TGFBR3: variants seen among roughly 807,000 people sequenced by gnomAD.
TGFBR3 encodes the protein transforming growth factor beta receptor 3.
In TGFBR3, 46 loss-of-function variants were observed where a neutral mutation model predicts 87.9. That is an observed-to-expected ratio of 0.52 (90% CI 0.41 to 0.67). TGFBR3 has a LOEUF of 0.67. Among genes scored for constraint, TGFBR3 ranks in the 30% least tolerant of loss-of-function variants. The pLI is 0.00. For synonymous variants in TGFBR3, 381 were observed against 391.6 expected (o/e 0.97, Z 0.32); for missense variants, 866 against 1,041.9 (o/e 0.83, Z 2.32).
intron 2 of TGFBR3, among the ~76,000 whole-genome samples, chr1:91,809,426 T>C (rs954753814): frequency 2.0e-5 from 3 of 152,000 alleles, no homozygotes; most frequent in African/African-American, 7.2e-5. Flanking sequence ...CAGAGACAAG[T>C]GGCAAGATGA....
chr1:91,818,278 CTTTTTTTTTTTTTTTTTTTT>C (rs760050197), intron 2 of TGFBR3, among the ~76,000 whole-genome samples: 4 of 32,496 alleles, frequency 1.2e-4, no homozygotes, highest in African/African-American at 4.0e-4. Flanking sequence ...TAGCCCCAGC[CTTTTTTTTTTTTTTTTTTTT>C]TTTTTTTTTT....
intron 8 of TGFBR3, among the ~76,000 whole-genome samples, chr1:91,720,725 T>A (rs1672340466): frequency 6.6e-6 from 1 of 152,244 alleles, no homozygotes; most frequent in South Asian, 2.1e-4. Context: ...AAATCTGTGA[T>A]TTAAGTTACA....
chr1:91,736,123 G>A (rs559283824), intron 4 of TGFBR3, among the ~76,000 whole-genome samples: 2 of 151,452 alleles, frequency 1.3e-5, no homozygotes, highest in African/African-American at 4.8e-5. Context: ...TAAAAACGCT[G>A]GCAAAAAAAA....
intron 16 of TGFBR3, among the ~76,000 whole-genome samples, chr1:91,692,016 A>C (rs374901014): frequency 6.6e-6 from 1 of 152,104 alleles, no homozygotes; most frequent in East Asian, 1.9e-4. Flanking sequence ...AAAAAGAAAA[A>C]AAAGAAAAGA....
intron 1 of TGFBR3, among the ~76,000 whole-genome samples, chr1:91,865,231 A>T (rs200927666): frequency 6.6e-6 from 1 of 151,554 alleles, no homozygotes; most frequent in African/African-American, 2.4e-5. Flanking sequence ...AAAAAAAGAA[A>T]GAAAGAAATA....
intron 4 of TGFBR3, among the ~76,000 whole-genome samples, chr1:91,758,098 C>T (rs1055353810): frequency 6.6e-6 from 1 of 152,148 alleles, no homozygotes; most frequent in Non-Finnish European, 1.5e-5. Flanking sequence ...TTGGATCTTT[C>T]GACAAGAGCT....
chr1:91,817,226 T>C (rs946543503), intron 2 of TGFBR3, among the ~76,000 whole-genome samples: 2 of 152,192 alleles, frequency 1.3e-5, no homozygotes, highest in East Asian at 3.8e-4. Flanking sequence ...ACAATATTTT[T>C]ATAAACAAAG....
intron 3 of TGFBR3, among the ~76,000 whole-genome samples, chr1:91,778,040 A>G (rs941559448): frequency 3.9e-5 from 6 of 152,188 alleles, no homozygotes; most frequent in African/African-American, 1.4e-4. Flanking sequence ...TCTTTGGAAA[A>G]TCATGAAATT....
At chr1:91,695,809 C>A in intron 15 of TGFBR3, 30 bp from the exon 16 acceptor site, 1 of 1,590,598 alleles carries the variant, frequency 6.3e-7, no homozygotes, top group Middle Eastern at 1.7e-4. Flanking sequence ...ATACACACAA[C>A]TTTTTGGTTA....
chr1:91,809,043 T>C (rs1675935794), intron 2 of TGFBR3, among the ~76,000 whole-genome samples: 1 of 152,222 alleles, frequency 6.6e-6, no homozygotes, highest in African/African-American at 2.4e-5. Context: ...AAATGCTTTA[T>C]CGACTTAGAT....
chr1:91,859,119 TG>T (rs1468455810), intron 2 of TGFBR3, among the ~76,000 whole-genome samples: 1 of 151,882 alleles, frequency 6.6e-6, no homozygotes, highest in Non-Finnish European at 1.5e-5. Flanking sequence ...GCCTTGAGTG[TG>T]TATTCAACTC....
intron 3 of TGFBR3, among the ~76,000 whole-genome samples, chr1:91,776,937 A>G (rs1674586723): frequency 6.6e-6 from 1 of 152,178 alleles, no homozygotes; most frequent in Non-Finnish European, 1.5e-5. Flanking sequence ...GTAGTTCTGG[A>G]GACTTCTGAA....
intron 2 of TGFBR3, among the ~76,000 whole-genome samples, chr1:91,820,154 A>AC (rs1676389501): frequency 6.6e-6 from 1 of 152,216 alleles, no homozygotes; most frequent in African/African-American, 2.4e-5. Flanking sequence ...AATAATAAAG[A>AC]CCAGTAGAAA....
intron 4 of TGFBR3, among the ~76,000 whole-genome samples, chr1:91,751,968 T>C (rs1470569217): frequency 6.6e-6 from 1 of 152,172 alleles, no homozygotes; most frequent in Admixed American, 6.5e-5. Context: ...TGGGAGGAAC[T>C]TTAGAGATGA....
intron 3 of TGFBR3, among the ~76,000 whole-genome samples, chr1:91,787,567 CAG>C (rs1675015639): frequency 1.3e-5 from 2 of 152,144 alleles, no homozygotes; most frequent in South Asian, 2.1e-4. Context: ...GAAGCCCAGG[CAG>C]AGTTTTTGGA....
At chr1:91,855,994 A>G (rs1320727046) in intron 2 of TGFBR3, among the ~76,000 whole-genome samples, 1 of 151,976 alleles carries the variant, frequency 6.6e-6, no homozygotes, top group African/African-American at 2.4e-5. Context: ...GTTCACCAAG[A>G]GCACAGTCCA....
intron 2 of TGFBR3, among the ~76,000 whole-genome samples, chr1:91,802,362 T>C (rs1015947091): frequency 6.6e-5 from 10 of 151,890 alleles, no homozygotes; most frequent in Admixed American, 2.0e-4. Context: ...TCCTTTTTTT[T>C]CTTTTTCTTT....
chr1:91,786,057 G>C (rs756433346), intron 3 of TGFBR3: 3 of 372,742 alleles, frequency 8.0e-6, no homozygotes, highest in Admixed American at 3.1e-5. Flanking sequence ...AGCCACCACA[G>C]CTGGCCTTCT....
chr1:91,759,288 C>T (rs1673866673), intron 3 of TGFBR3, among the ~76,000 whole-genome samples: 2 of 147,112 alleles, frequency 1.4e-5, no homozygotes, highest in Admixed American at 7.1e-5. Flanking sequence ...GCTGCCAGGG[C>T]TTTCATTGTC....
Sources: gnomAD v4.1 joint callset for allele counts (sites outside exome capture counted in the v4.1 genomes callset) on GRCh38, gnomAD v4.1.1 for gene constraint, MANE v1.5 for transcripts, NCBI Gene and HGNC (gene_info 2026-07-23, HGNC 2026-07-21) for gene names.